NUBPL: variants seen among roughly 807,000 people sequenced by gnomAD.
NUBPL encodes NUBP iron-sulfur cluster assembly factor, mitochondrial.
In NUBPL, 31 loss-of-function variants were observed where a neutral mutation model predicts 45.7. The observed-to-expected ratio is 0.68, with a 90% confidence interval of 0.51 to 0.92. The LOEUF (loss-of-function observed/expected upper bound fraction) is 0.92. Among genes scored for constraint, NUBPL ranks in the 40% least tolerant of loss-of-function variants. NUBPL has a pLI of 0.00. For synonymous variants in NUBPL, 144 were observed against 140.9 expected (o/e 1.02, Z -0.15); for missense variants, 401 against 398.7 (o/e 1.01, Z -0.05).
At chr14:31,588,975 A>G (rs1304823729) in intron 3 of NUBPL, among the ~76,000 whole-genome samples, 1 of 151,826 alleles carries the variant, frequency 6.6e-6, no homozygotes, top group Admixed American at 6.6e-5. Context: ...CAACATTTTC[A>G]TTTATCAAAA....
Position 31,650,908 on chromosome 14 carries a change from C to T in NUBPL, c.383-22447C>T, listed in dbSNP as rs115903715. On this transcript the variant is annotated intron_variant, in intron 4 of 10. Transcript: ENST00000281081. ...AACGTGAGGGTGGAATCAAGGAGGG[C>T]AGCAAGGTGCCAGGCTCTTTTTTAA... Among the ~76,000 whole-genome samples, 1,267 of 152,200 alleles carry T rather than the reference C, an allele frequency of 8.3e-3. 20 individuals are homozygous for T. Among genetic ancestry groups the T allele is most frequent in the African/African-American group, 0.029 (1,191 of 41,532 alleles).
At chr14:31,609,351 G>A (rs149968248) in intron 4 of NUBPL, among the ~76,000 whole-genome samples, 1,704 of 152,220 alleles carry the variant, frequency 0.011, 29 homozygotes, top group African/African-American at 0.039. Flanking sequence ...TAATGATAAA[G>A]GGGTCAATGC....
intron 6 of NUBPL, among the ~76,000 whole-genome samples, chr14:31,758,596 T>G (rs953644149): frequency 3.3e-5 from 5 of 152,160 alleles, no homozygotes; most frequent in African/African-American, 1.2e-4. Context: ...ATATGAAAAT[T>G]GGGTAATAGT....
chr14:31,836,938 A>G (rs976323903), intron 8 of NUBPL, among the ~76,000 whole-genome samples: 7 of 152,260 alleles, frequency 4.6e-5, no homozygotes, highest in African/African-American at 1.7e-4. Flanking sequence ...ACAGAATGAG[A>G]TAACCATAAA....
In NUBPL at chr14:31,727,422, A is replaced by T. The variant is rs60431433; in HGVS notation, c.513+53848A>T. Reference sequence around the variant, plus strand: ...AGAGTTCAAAAGGAGGGGTTGGTGGAATTAGTGGTTTGTAACTGTCAAAGA... The same window carrying T: ...AGAGTTCAAAAGGAGGGGTTGGTGGTATTAGTGGTTTGTAACTGTCAAAGA... On this transcript the variant is annotated intron_variant, in intron 6 of 10. Coordinates refer to ENST00000281081, the MANE Select transcript of NUBPL (RefSeq NM_025152.3). 4.6e-5 allele frequency among the ~76,000 whole-genome samples: 7 copies of T among 152,296 alleles called. No individual in the cohort carries two copies. The East Asian group carries it at 1.3e-3, about 29-fold the overall frequency.
intron 6 of NUBPL, among the ~76,000 whole-genome samples, chr14:31,770,025 T>C (rs867450103): frequency 6.6e-6 from 1 of 152,184 alleles, no homozygotes; most frequent in Non-Finnish European, 1.5e-5. Context: ...TCTTGATTTT[T>C]GCCAAACTTC....
chr14:31,732,440 A>G (rs910594802), intron 6 of NUBPL, among the ~76,000 whole-genome samples: 3 of 151,984 alleles, frequency 2.0e-5, no homozygotes, highest in African/African-American at 7.2e-5. Context: ...CTGAATTTTA[A>G]AAAATCAGAA....
chr14:31,829,453 T>C (rs12886280), intron 8 of NUBPL, among the ~76,000 whole-genome samples: 63,311 of 152,026 alleles, frequency 0.42, 16,129 homozygotes, highest in East Asian at 0.61. Context: ...CATGATTAGC[T>C]ACATTGTAAA....
intron 6 of NUBPL, among the ~76,000 whole-genome samples, chr14:31,711,711 A>C (rs2037574790): frequency 2.6e-5 from 4 of 151,898 alleles, no homozygotes; most frequent in Admixed American, 2.6e-4. Context: ...GGTCTTGCTG[A>C]CTTCAGGAGT....
rs142148990 is a variant in NUBPL at position 31,662,773 on chromosome 14, T to C, written c.383-10582T>C. Reference sequence around the variant, plus strand: ...TCAATAGTGCTGCAATAAATATCCATGTGCATGTGTCTTTATAGTAGAATG... The same window carrying C: ...TCAATAGTGCTGCAATAAATATCCACGTGCATGTGTCTTTATAGTAGAATG... On this transcript the variant is annotated intron_variant, in intron 4 of 10. Coordinates refer to ENST00000281081, the MANE Select transcript of NUBPL (RefSeq NM_025152.3). 9.0e-3 allele frequency among the ~76,000 whole-genome samples: 1,371 copies of C among 152,348 alleles called. 23 individuals are homozygous for C. Among genetic ancestry groups the C allele is most frequent in the African/African-American group, 0.031 (1,298 of 41,578 alleles).
At chr14:31,563,573 T>A (rs2139441043) in intron 2 of NUBPL, among the ~76,000 whole-genome samples, 1 of 152,340 alleles carries the variant, frequency 6.6e-6, no homozygotes, top group African/African-American at 2.4e-5. Flanking sequence ...AGGTTATTTT[T>A]ATGTAACTCT....
chr14:31,633,717 G>C (rs899739695), intron 4 of NUBPL, among the ~76,000 whole-genome samples: 8 of 151,964 alleles, frequency 5.3e-5, no homozygotes, highest in Admixed American at 5.2e-4. Context: ...TCCTTATTTT[G>C]GTCAAAAACT....
chr14:31,755,574 G>A (rs2038641397), intron 6 of NUBPL, among the ~76,000 whole-genome samples: 1 of 151,450 alleles, frequency 6.6e-6, no homozygotes, highest in Non-Finnish European at 1.5e-5. Context: ...ATTTGTTTGA[G>A]TTCATTGTAG....
At chr14:31,623,382 T>G (rs1162066478) in intron 4 of NUBPL, among the ~76,000 whole-genome samples, 1 of 152,182 alleles carries the variant, frequency 6.6e-6, no homozygotes, top group African/African-American at 2.4e-5. Context: ...TTTGGGGGAC[T>G]GTTAGGAAGG....
chr14:31,753,428 T>C (rs964501351), intron 6 of NUBPL, among the ~76,000 whole-genome samples: 1 of 152,058 alleles, frequency 6.6e-6, no homozygotes, highest in African/African-American at 2.4e-5. Flanking sequence ...CTGCTTTCTG[T>C]GCTAGACCAC....
In NUBPL at chr14:31,751,330, G is replaced by A. The variant is rs1381350819; in HGVS notation, c.514-36450G>A. Among the ~76,000 whole-genome samples the A allele has an allele frequency of 3.9e-5, 6 of 152,150 alleles. No individual in the cohort carries two copies. In the East Asian group the frequency reaches 5.8e-4, roughly 15 times the overall value. On this transcript the variant is annotated intron_variant, in intron 6 of 10. Transcript: ENST00000281081. ...ATCTGAGACAAGGCAAGTCCCTTCC[G>A]CCTATGAGCTTGTAAAATAAAAAAC...
In NUBPL at chr14:31,826,548, C is replaced by T. The variant is rs1173331213; in HGVS notation, c.608-81C>T. The T allele has an allele frequency of 7.7e-6, 9 of 1,166,222 alleles. No homozygotes were observed. In the Admixed American group the frequency reaches 1.0e-4, roughly 14 times the overall value. 72.2% of individuals were successfully genotyped at this position (1,166,222 alleles called of 1,614,324 possible). A position where few individuals can be genotyped will look rare whatever the true frequency, so the allele number is the denominator to read the frequency against. Reference sequence around the variant, plus strand: ...AATAGTTAACGTAATAGACTATTTGCGTATGTAAGCAACATAATGCTGGAA... The same window carrying T: ...AATAGTTAACGTAATAGACTATTTGTGTATGTAAGCAACATAATGCTGGAA... On this transcript the variant is annotated intron_variant, in intron 7 of 10. Transcript: ENST00000281081.
chr14:31,721,470 TC>T (rs1449178205), intron 6 of NUBPL, among the ~76,000 whole-genome samples: 4 of 152,170 alleles, frequency 2.6e-5, no homozygotes, highest in African/African-American at 9.7e-5. Flanking sequence ...TATTTCATTT[TC>T]ATAATAATTT....
At chr14:31,823,013 G>GT (rs2040042947) in intron 7 of NUBPL, among the ~76,000 whole-genome samples, 1 of 151,974 alleles carries the variant, frequency 6.6e-6, no homozygotes, top group Admixed American at 6.5e-5. Context: ...TTTTTTTAAT[G>GT]TAACAGCTGT....
Sources: gnomAD v4.1 joint callset for allele counts (sites outside exome capture counted in the v4.1 genomes callset) on GRCh38, gnomAD v4.1.1 for gene constraint, MANE v1.5 for transcripts, NCBI Gene and HGNC (gene_info 2026-07-23, HGNC 2026-07-21) for gene names.